EDA: variants seen among roughly 807,000 people sequenced by gnomAD.
EDA encodes the protein ectodysplasin A.
Under a neutral mutation model 23.6 loss-of-function variants are expected in EDA, and 2 were observed. The observed-to-expected ratio is 0.08, with a 90% CI of 0.03 to 0.27. EDA has a LOEUF of 0.27. Among genes scored for constraint, EDA ranks in the 10% least tolerant of loss-of-function variants. The pLI is 1.00. For synonymous variants in EDA, 131 were observed against 132.0 expected (o/e 0.99, Z 0.05); for missense variants, 229 against 324.2 (o/e 0.71, Z 2.26).
intron 1 of EDA, among the ~76,000 whole-genome samples, chrX:69,731,951 G>A (rs2013046705): frequency 9.0e-6 from 1 of 110,963 alleles, no homozygotes; most frequent in South Asian, 3.8e-4. Context: ...CTAATTTATT[G>A]AAACTTTTTT....
chrX:69,736,116 G>A (rs2013245800), intron 1 of EDA, among the ~76,000 whole-genome samples: 1 of 109,454 alleles, frequency 9.1e-6, no homozygotes, highest in Non-Finnish European at 1.9e-5. Flanking sequence ...AGACCAGCCT[G>A]ACCAACATGG....
At chrX:69,665,598 C>T (rs775392091) in intron 1 of EDA, among the ~76,000 whole-genome samples, 6 of 111,328 alleles carry the variant, frequency 5.4e-5, no homozygotes, top group Admixed American at 3.9e-4. Context: ...GCCGTTGTCA[C>T]AAAGTAATTG....
intron 1 of EDA, among the ~76,000 whole-genome samples, chrX:69,796,871 G>C (rs2015556622): frequency 9.0e-6 from 1 of 110,941 alleles, no homozygotes; most frequent in Non-Finnish European, 1.9e-5. Flanking sequence ...ACCAGAGATA[G>C]ATATCATAAA....
intron 1 of EDA, among the ~76,000 whole-genome samples, chrX:69,618,703 T>C (rs972932668): frequency 2.7e-5 from 3 of 111,318 alleles, no homozygotes; most frequent in Non-Finnish European, 5.7e-5. Flanking sequence ...TTAGAACTTT[T>C]GCAAAGTAGA....
At chrX:69,787,388 G>A (rs1247147554) in intron 1 of EDA, among the ~76,000 whole-genome samples, 1 of 104,995 alleles carries the variant, frequency 9.5e-6, no homozygotes, top group African/African-American at 3.4e-5. Context: ...TCCTAGTCTC[G>A]ATGGTCTTTA....
intron 1 of EDA, among the ~76,000 whole-genome samples, chrX:69,740,708 A>G (rs1035899060): frequency 2.7e-5 from 3 of 110,158 alleles, no homozygotes; most frequent in Non-Finnish European, 5.7e-5. Flanking sequence ...GATGTTTTTT[A>G]ACATTATTTT....
intron 2 of EDA, among the ~76,000 whole-genome samples, chrX:69,978,865 T>C (rs930268866): frequency 8.9e-6 from 1 of 112,088 alleles, no homozygotes; most frequent in East Asian, 2.8e-4. Context: ...GGTTGTAACA[T>C]ATATCAATAC....
intron 2 of EDA, chrX:69,957,496 A>C (rs41298486): frequency 0.31 from 55,230 of 177,859 alleles, 7,427 homozygotes; most frequent in Non-Finnish European, 0.4. Context: ...AAAAAACAAA[A>C]AAAAAAAACC....
intron 1 of EDA, among the ~76,000 whole-genome samples, chrX:69,800,278 A>G (rs1013171968): frequency 9.0e-6 from 1 of 111,470 alleles, no homozygotes; most frequent in Non-Finnish European, 1.9e-5. Flanking sequence ...AATGAGAATA[A>G]ACATACATAC....
At chrX:69,751,654 A>G (rs1486790619) in intron 1 of EDA, among the ~76,000 whole-genome samples, 26 of 111,950 alleles carry the variant, frequency 2.3e-4, no homozygotes, top group Non-Finnish European at 4.1e-4. Context: ...CTTCCTATCC[A>G]TGAGCATGGA....
At position 69,831,668 on chromosome X, in the gene EDA, C is replaced by T. The variant is rs758920892; in HGVS notation, c.397-125359C>T. On this transcript the variant is annotated intron_variant, in intron 1 of 7. Coordinates refer to ENST00000374552, the MANE Select transcript of EDA (RefSeq NM_001399.5). ...ACAATGGTTGAACTAATTTGCATTC[C>T]CACCAACAGTGTAAAAGTTCCTGTT... Among the ~76,000 whole-genome samples, 26 of 112,342 alleles carry T rather than the reference C, an allele frequency of 2.3e-4. No homozygotes were observed. The South Asian group carries it at 8.9e-3, about 38-fold the overall frequency.
intron 1 of EDA, among the ~76,000 whole-genome samples, chrX:69,946,672 C>G (rs1569381495): frequency 9.0e-6 from 1 of 111,180 alleles, no homozygotes; most frequent in East Asian, 2.8e-4. Context: ...CAAGTTCTGA[C>G]TGTTGCAACT....
At chrX:69,976,579 C>T (rs1024550599) in intron 2 of EDA, among the ~76,000 whole-genome samples, 1 of 112,033 alleles carries the variant, frequency 8.9e-6, no homozygotes, top group African/African-American at 3.2e-5. Flanking sequence ...TATTGTAAGA[C>T]CAGAACTAAC....
Position 69,828,375 on chromosome X carries a change from G to A in EDA, c.397-128652G>A, listed in dbSNP as rs1237623017. On this transcript the variant is annotated intron_variant, in intron 1 of 7. Coordinates refer to ENST00000374552, the MANE Select transcript of EDA (RefSeq NM_001399.5). The stretch of plus-strand genomic sequence containing the variant: ...AGACTCCGTGGGCGTAGGACCCTCC[G>A]AGTCAGGTGTGGGATATAATCTCCT... 4.4e-5 allele frequency among the ~76,000 whole-genome samples: 5 copies of A among 112,529 alleles called. No homozygotes were observed. In the South Asian group the frequency reaches 1.1e-3, roughly 25 times the overall value.
At chrX:69,966,910 T>A (rs1402997234) in intron 2 of EDA, among the ~76,000 whole-genome samples, 1 of 109,374 alleles carries the variant, frequency 9.1e-6, no homozygotes, top group Non-Finnish European at 1.9e-5. Context: ...GATTTTAACA[T>A]ATATTTTTTA....
At chrX:69,708,796 G>A (rs1213049560) in intron 1 of EDA, among the ~76,000 whole-genome samples, 1 of 110,784 alleles carries the variant, frequency 9.0e-6, no homozygotes, top group Non-Finnish European at 1.9e-5. Flanking sequence ...ATATCAGGTG[G>A]AAGCAAATAT....
At chrX:70,018,541 A>G (rs2019985865) in intron 2 of EDA, among the ~76,000 whole-genome samples, 1 of 111,840 alleles carries the variant, frequency 8.9e-6, no homozygotes, top group African/African-American at 3.2e-5. Flanking sequence ...CACACCTATG[A>G]CCATCTGATC....
intron 1 of EDA, among the ~76,000 whole-genome samples, chrX:69,642,391 A>G (rs1252866459): frequency 9.0e-6 from 1 of 111,286 alleles, no homozygotes. Context: ...GAAATACTAT[A>G]CGTTATATGT....
intron 1 of EDA, among the ~76,000 whole-genome samples, chrX:69,813,057 G>T (rs1191206543): frequency 9.0e-6 from 1 of 111,290 alleles, no homozygotes; most frequent in Non-Finnish European, 1.9e-5. Context: ...GGTTTCTAAA[G>T]ACCTCAGTTG....
Sources: gnomAD v4.1 joint callset for allele counts (sites outside exome capture counted in the v4.1 genomes callset) on GRCh38, gnomAD v4.1.1 for gene constraint, MANE v1.5 for transcripts, NCBI Gene and HGNC (gene_info 2026-07-23, HGNC 2026-07-21) for gene names.